Variants in DAZAP1 observed in about 807,000 individuals in gnomAD.
DAZAP1 encodes the protein DAZ-associated protein 1.
In DAZAP1, 6 loss-of-function variants were observed where a neutral mutation model predicts 60.1. The observed-to-expected ratio is 0.10, with a 90% confidence interval of 0.05 to 0.20. DAZAP1 has a LOEUF of 0.20. Among genes scored for constraint, DAZAP1 ranks in the 10% least tolerant of loss-of-function variants. The pLI, the probability that DAZAP1 is intolerant of heterozygous loss-of-function variation, is 1.00. For synonymous variants in DAZAP1, 235 were observed against 215.9 expected (o/e 1.09, Z -0.78); for missense variants, 366 against 560.4 (o/e 0.65, Z 3.50).
At chr19:1,427,577 A>G (rs940166093) in intron 7 of DAZAP1, 2 of 152,152 alleles carry the variant, frequency 1.3e-5, no homozygotes, top group African/African-American at 4.8e-5. Flanking sequence ...AGGGTGAAAG[A>G]ATTTTTTTTT....
chr19:1,425,751 G>T lies in DAZAP1; in HGVS notation c.464-127G>T, dbSNP rs761050988. 1 of 711,810 alleles carries T rather than the reference G, an allele frequency of 1.4e-6. No individual in the cohort carries two copies. Among genetic ancestry groups the T allele is most frequent in the East Asian group, 2.6e-5 (1 of 38,136 alleles). The allele number at this position is 711,810 out of a possible 1,614,324, so 44.1% of individuals were successfully genotyped here. A position where few individuals can be genotyped will look rare whatever the true frequency, so the allele number is the denominator to read the frequency against. Reference sequence around the variant, plus strand: ...AGGGAGGCAGCTGCCCCAGGGGCCCGCAGCGCCCCACACACAGCTTAGCTG... The same window carrying T: ...AGGGAGGCAGCTGCCCCAGGGGCCCTCAGCGCCCCACACACAGCTTAGCTG... On this transcript the variant is annotated intron_variant, in intron 6 of 11. Coordinates refer to ENST00000233078, the MANE Select transcript of DAZAP1 (RefSeq NM_018959.4). This position sits in a 1 kb window ranked among gnomAD's most constrained non-coding sequence, Gnocchi z 5.4.
Position 1,435,638 on chromosome 19 carries a change from C to T in DAZAP1, c.*726C>T, listed in dbSNP as rs2083580219. ...TGGCTTCAGGGCGTTTCCCATTGACCAGTTTGACCCTGGTTTGAATAAAGA... is the reference window on the plus strand; with the variant it reads ...TGGCTTCAGGGCGTTTCCCATTGACTAGTTTGACCCTGGTTTGAATAAAGA... On this transcript the variant is annotated 3_prime_UTR_variant, in exon 12 of 12. Transcript: ENST00000233078. 1.3e-5 allele frequency: 2 copies of T among 152,300 alleles called. No homozygotes were observed. Among genetic ancestry groups the T allele is most frequent in the South Asian group, 2.1e-4 (1 of 4,836 alleles). 9.4% of individuals were successfully genotyped at this position (152,300 alleles called of 1,614,324 possible). A position where few individuals can be genotyped will look rare whatever the true frequency, so the allele number is the denominator to read the frequency against.
At chr19:1,430,487 C>G (rs2083419858) in intron 10 of DAZAP1, 125 bp downstream of exon 10, 1 of 865,052 alleles carries the variant, frequency 1.2e-6, no homozygotes, top group African/African-American at 1.8e-5. Flanking sequence ...GCCGGCTGGT[C>G]AGCAGGTCAC....
intron 1 of DAZAP1, among the ~76,000 whole-genome samples, chr19:1,415,351 T>TTGTGTGTGTG (rs777866840): frequency 8.7e-4 from 61 of 70,006 alleles, no homozygotes; most frequent in Admixed American, 1.9e-3. Flanking sequence ...TTTCAGGGTT[T>TTGTGTGTGTG]TATGTGTGTG....
chr19:1,407,710 A>G lies in DAZAP1; in HGVS notation c.-64A>G. ...TGTGGGGAGGGCGACGGAGCGGGTGACCTTCCGGAGGCGGGAGCGAGCGAG... is the reference window on the plus strand; with the variant it reads ...TGTGGGGAGGGCGACGGAGCGGGTGGCCTTCCGGAGGCGGGAGCGAGCGAG... On this transcript the variant is annotated 5_prime_UTR_variant, in exon 1 of 12. Transcript: ENST00000233078. 2 of 1,052,018 alleles carry G rather than the reference A, an allele frequency of 1.9e-6. No homozygotes were observed. Among genetic ancestry groups the G allele is most frequent in the Non-Finnish European group, 2.3e-6 (2 of 876,054 alleles). 65.2% of individuals were successfully genotyped at this position (1,052,018 alleles called of 1,614,324 possible). A position where few individuals can be genotyped will look rare whatever the true frequency, so the allele number is the denominator to read the frequency against.
At chr19:1,409,637 C>T (rs2082767427) in intron 1 of DAZAP1, among the ~76,000 whole-genome samples, 1 of 152,358 alleles carries the variant, frequency 6.6e-6, no homozygotes, top group Middle Eastern at 3.4e-3. Flanking sequence ...AGACCGGCTT[C>T]CATTCTATGC....
intron 1 of DAZAP1, among the ~76,000 whole-genome samples, chr19:1,413,064 G>A (rs2082874538): frequency 6.6e-6 from 1 of 152,220 alleles, no homozygotes; most frequent in African/African-American, 2.4e-5. Flanking sequence ...GCAGGGTGCA[G>A]GAGCCACATT....
Position 1,418,070 on chromosome 19 carries a change from C to A in DAZAP1, c.71-134C>A. On this transcript the variant is annotated intron_variant, in intron 2 of 11. Transcript: ENST00000233078. This position sits in a 1 kb window ranked among gnomAD's most constrained non-coding sequence, Gnocchi z 5.7. ...GAATTCCCCAGCGCTTCCCGTACAC[C>A]CCCCACCCCCAGTGCAGCATCGCTC... is the stretch of plus-strand genomic sequence containing the variant. The A allele has an allele frequency of 1.2e-6, 1 of 867,798 alleles. No homozygotes were observed. The highest frequency in any genetic ancestry group is 1.8e-6 in the Non-Finnish European group (1 of 558,398). 53.8% of individuals were successfully genotyped at this position (867,798 alleles called of 1,614,324 possible).
chr19:1,417,783 G>A (rs1415204965), intron 2 of DAZAP1, among the ~76,000 whole-genome samples: 2 of 152,204 alleles, frequency 1.3e-5, no homozygotes, highest in Non-Finnish European at 2.9e-5. Context: ...GGCTGAGGTG[G>A]CTTGTGGAGG....
Position 1,407,895 on chromosome 19 carries a change from C to A in DAZAP1, c.29+93C>A. The A allele has an allele frequency of 4.0e-6, 4 of 1,004,352 alleles. No homozygotes were observed. In the South Asian group the frequency reaches 1.4e-4, roughly 34 times the overall value. The allele number at this position is 1,004,352 out of a possible 1,614,324, so 62.2% of individuals were successfully genotyped here. A position where few individuals can be genotyped will look rare whatever the true frequency, so the allele number is the denominator to read the frequency against. On this transcript the variant is annotated intron_variant, in intron 1 of 11. Transcript: ENST00000233078. ...CTCAGACGCCGCCCCCCGGGGCCGC[C>A]CCGTCAAGGTCACGCCGGCCGGGGG...
chr19:1,418,780 G>A lies in DAZAP1; in HGVS notation c.303+49G>A. ...TCCTTGTGTGTTCTCCACTCCACGT[G>A]GAAAGGAAATGCGTGCCTTCAATCT... is the stretch of plus-strand genomic sequence containing the variant. On this transcript the variant is annotated intron_variant, in intron 4 of 11. Transcript: ENST00000233078. The surrounding 1 kb of genome is among the most constrained non-coding windows in gnomAD (Gnocchi z 5.7). The A allele has an allele frequency of 6.5e-7, 1 of 1,532,324 alleles. No homozygotes were observed. Among genetic ancestry groups the A allele is most frequent in the Non-Finnish European group, 8.8e-7 (1 of 1,136,596 alleles). The allele number at this position is 1,532,324 out of a possible 1,614,324, so 94.9% of individuals were successfully genotyped here.
chr19:1,428,488 A>G lies in DAZAP1; in HGVS notation c.547-354A>G, dbSNP rs574243481. ...AAGATCCTGGTCCCTTTTTGTCCCC[A>G]TGTTTTCAAGAGGAAGGAGGACGCT... On this transcript the variant is annotated intron_variant, in intron 7 of 11. Transcript: ENST00000233078. The surrounding 1 kb of genome is among the most constrained non-coding windows in gnomAD (Gnocchi z 4.0). 3.8e-4 allele frequency: 80 copies of G among 209,400 alleles called. No individual in the cohort carries two copies. The highest frequency in any genetic ancestry group is 6.2e-4 in the Non-Finnish European group (64 of 103,632). The allele number at this position is 209,400 out of a possible 1,614,324, so 13.0% of individuals were successfully genotyped here.
intron 10 of DAZAP1, among the ~76,000 whole-genome samples, chr19:1,431,092 G>A (rs1356498009): frequency 6.6e-6 from 1 of 151,644 alleles, no homozygotes; most frequent in Non-Finnish European, 1.5e-5. Context: ...TGTAAGATCA[G>A]CCGACACACC....
At position 1,423,347 on chromosome 19, in the gene DAZAP1, G is replaced by C. The variant is rs1215779258; in HGVS notation, c.463+951G>C. ...ACGTACTTAAGTGTTTCATAGTAAAGTACAGTGATGTTAAGTAAGCTGTTT... is the reference window on the plus strand; with the variant it reads ...ACGTACTTAAGTGTTTCATAGTAAACTACAGTGATGTTAAGTAAGCTGTTT... On this transcript the variant is annotated intron_variant, in intron 6 of 11. Coordinates refer to ENST00000233078, the MANE Select transcript of DAZAP1 (RefSeq NM_018959.4). The surrounding 1 kb of genome is among the most constrained non-coding windows in gnomAD (Gnocchi z 6.8). Among the ~76,000 whole-genome samples, 1 of 152,254 alleles carries C rather than the reference G, an allele frequency of 6.6e-6. No individual in the cohort carries two copies. The highest frequency in any genetic ancestry group is 2.4e-5 in the African/African-American group (1 of 41,472).
In DAZAP1 at chr19:1,430,254, G is replaced by GGCCC; in HGVS notation, c.763_764insGCCC (p.Ala255GlyfsTer173). The GGCCC allele has an allele frequency of 5.7e-5, 74 of 1,295,048 alleles. No homozygotes were observed. The highest frequency in any genetic ancestry group is 7.0e-5 in the Non-Finnish European group (65 of 923,906). The allele number at this position is 1,295,048 out of a possible 1,614,324, so 80.2% of individuals were successfully genotyped here. The stretch of plus-strand genomic sequence containing the variant: ...TGGACCGCCCCCTGCAGGAAGAGGA[G>GGCCC]CCCCCCCGCCACCCCCACCGTTCAC... On this transcript the variant is annotated frameshift_variant, in exon 10 of 12. Coordinates refer to ENST00000233078, the MANE Select transcript of DAZAP1 (RefSeq NM_018959.4). LOFTEE classifies it high-confidence loss of function.
At position 1,422,249 on chromosome 19, in the gene DAZAP1, T is replaced by A. The variant is rs1207583584; in HGVS notation, c.415-99T>A. ...TCCCCCGCTCAGGGAGGGCGCACCC[T>A]GTGCGAGAGTTTGGGTTCGTGGGAA... On this transcript the variant is annotated intron_variant, in intron 5 of 11. Transcript: ENST00000233078. This position sits in a 1 kb window ranked among gnomAD's most constrained non-coding sequence, Gnocchi z 4.5. The A allele has an allele frequency of 2.7e-6, 3 of 1,102,740 alleles. No individual in the cohort carries two copies. The highest frequency in any genetic ancestry group is 3.1e-5 in the African/African-American group (2 of 64,356). 68.3% of individuals were successfully genotyped at this position (1,102,740 alleles called of 1,614,324 possible).
chr19:1,420,535 C>G (rs1229249148), intron 4 of DAZAP1, among the ~76,000 whole-genome samples: 1 of 151,928 alleles, frequency 6.6e-6, no homozygotes, highest in East Asian at 1.9e-4. Flanking sequence ...GAGAGCAGCC[C>G]CAGCCCTAAG....
intron 5 of DAZAP1, among the ~76,000 whole-genome samples, chr19:1,421,884 G>C (rs1159312638): frequency 6.6e-6 from 1 of 152,222 alleles, no homozygotes; most frequent in Admixed American, 6.5e-5. Flanking sequence ...TGAGAGGCCT[G>C]AGCGGGGCCT....
At position 1,423,234 on chromosome 19, in the gene DAZAP1, C is replaced by T. The variant is rs1239248994; in HGVS notation, c.463+838C>T. 6.6e-6 allele frequency among the ~76,000 whole-genome samples: 1 copy of T among 152,254 alleles called. No individual in the cohort carries two copies. Among genetic ancestry groups the T allele is most frequent in the Non-Finnish European group, 1.5e-5 (1 of 68,046 alleles). On this transcript the variant is annotated intron_variant, in intron 6 of 11. Coordinates refer to ENST00000233078, the MANE Select transcript of DAZAP1 (RefSeq NM_018959.4). The surrounding 1 kb of genome is among the most constrained non-coding windows in gnomAD (Gnocchi z 6.8). ...GAGCATAGTTTGCCATTTGAACCTC[C>T]CTCCCCACGGTTAGGAGTGCTCCTC...
Sources: gnomAD v4.1 joint callset for allele counts (sites outside exome capture counted in the v4.1 genomes callset) on GRCh38, gnomAD v4.1.1 for gene constraint, Gnocchi (gnomAD v3.1) non-coding constraint, MANE v1.5 for transcripts, NCBI Gene and HGNC (gene_info 2026-07-23, HGNC 2026-07-21) for gene names.